The following ITGA11 variants were observed in gnomAD, a reference collection of about 807,000 sequenced individuals.
ITGA11 encodes integrin alpha-11.
A neutral mutation model predicts 141.9 loss-of-function variants in ITGA11; 97 were observed. That is an observed-to-expected ratio of 0.68 (90% CI 0.58 to 0.81). The LOEUF (loss-of-function observed/expected upper bound fraction) is 0.81. ITGA11 is among the 30% of genes least tolerant of loss of function. The pLI is 0.00. For synonymous variants in ITGA11, 658 were observed against 624.6 expected (o/e 1.05, Z -0.80); for missense variants, 1,387 against 1,559.2 (o/e 0.89, Z 1.86).
intron 1 of ITGA11, among the ~76,000 whole-genome samples, chr15:68,419,024 A>T (rs993237231): frequency 1.3e-5 from 2 of 152,104 alleles, no homozygotes; most frequent in East Asian, 3.9e-4. Flanking sequence ...ATGCAAACTA[A>T]AAAAAGGAAT....
intron 1 of ITGA11, among the ~76,000 whole-genome samples, chr15:68,410,095 C>G (rs188277174): frequency 1.2e-4 from 19 of 152,364 alleles, no homozygotes; most frequent in Non-Finnish European, 2.2e-4. Flanking sequence ...ACAAGTGGAA[C>G]ACAGCAGACC....
chr15:68,405,850 G>T (rs1311601470), intron 1 of ITGA11, among the ~76,000 whole-genome samples: 1 of 152,060 alleles, frequency 6.6e-6, no homozygotes, highest in Admixed American at 6.5e-5. Context: ...TCTGTCCCAG[G>T]AATGAACACA....
chr15:68,367,419 G>A (rs976884159), intron 3 of ITGA11, among the ~76,000 whole-genome samples: 4 of 152,228 alleles, frequency 2.6e-5, no homozygotes, highest in East Asian at 3.9e-4. Flanking sequence ...CTACCTTAGG[G>A]CGTTTGCACT....
intron 13 of ITGA11, 32 bp from the exon 14 acceptor site, chr15:68,332,094 A>C: frequency 6.5e-7 from 1 of 1,541,528 alleles, no homozygotes; most frequent in South Asian, 1.2e-5. Flanking sequence ...AAGGCTGGGG[A>C]GGGTTTGGCA....
In ITGA11 at chr15:68,365,165, G is replaced by T. The variant is rs552632667; in HGVS notation, c.266-367C>A. Reference sequence around the variant, plus strand: ...TCCCACCTGGGCTGGCTTCCTTTGTGCAGTATCCCCGCTACGCTTTCTTCC... The same window carrying T: ...TCCCACCTGGGCTGGCTTCCTTTGTTCAGTATCCCCGCTACGCTTTCTTCC... On this transcript the variant is annotated intron_variant, in intron 3 of 29. Transcript: ENST00000315757. 10 of 985,386 alleles carry T rather than the reference G, an allele frequency of 1.0e-5. No individual in the cohort carries two copies. The East Asian group carries it at 6.8e-4, about 67-fold the overall frequency. 61.0% of individuals were successfully genotyped at this position (985,386 alleles called of 1,614,324 possible). A position where few individuals can be genotyped will look rare whatever the true frequency, so the allele number is the denominator to read the frequency against.
At position 68,424,359 on chromosome 15, in the gene ITGA11, C is replaced by A. The variant is rs933104301; in HGVS notation, c.52+7656G>T. ...TGGTGTTGTGTGACCCTAGGCAAGT[C>A]ATTTTCCTTCCCTGGAGAGTGTTTG... On this transcript the variant is annotated intron_variant, in intron 1 of 29. Transcript: ENST00000315757. Among the ~76,000 whole-genome samples the A allele has an allele frequency of 2.0e-5, 3 of 152,072 alleles. No homozygotes were observed. The East Asian group carries it at 5.8e-4, about 29-fold the overall frequency.
At chr15:68,362,669 T>C (rs776891777) in intron 4 of ITGA11, among the ~76,000 whole-genome samples, 6 of 143,296 alleles carry the variant, frequency 4.2e-5, no homozygotes, top group Non-Finnish European at 7.4e-5. Flanking sequence ...GATGGATAAA[T>C]GGATGGAAGA....
At position 68,335,323 on chromosome 15, in the gene ITGA11, T is replaced by C. The variant is rs959281715; in HGVS notation, c.1425+374A>G. ...CCCTGTGCTGGAAGTGACTTGGGAT[T>C]GGAGCCCTGTTTTCACCACCAATGA... On this transcript the variant is annotated intron_variant, in intron 12 of 29. Transcript: ENST00000315757. The surrounding 1 kb of genome is among the most constrained non-coding windows in gnomAD (Gnocchi z 4.9). Among the ~76,000 whole-genome samples the C allele has an allele frequency of 2.0e-5, 3 of 152,318 alleles. No homozygotes were observed. Among genetic ancestry groups the C allele is most frequent in the African/African-American group, 7.2e-5 (3 of 41,564 alleles).
rs1171065071 is a variant in ITGA11 at position 68,353,711 on chromosome 15, T to G, written c.750-2309A>C. Among the ~76,000 whole-genome samples, 5 of 152,200 alleles carry G rather than the reference T, an allele frequency of 3.3e-5. No individual in the cohort carries two copies. The East Asian group carries it at 9.6e-4, about 29-fold the overall frequency. ...ACATTCCTTGAGAGCAGCAAGAGCTTTATACTCATAACAGGCTCCATGGGC... is the reference window on the plus strand; with the variant it reads ...ACATTCCTTGAGAGCAGCAAGAGCTGTATACTCATAACAGGCTCCATGGGC... On this transcript the variant is annotated intron_variant, in intron 7 of 29. Transcript: ENST00000315757.
chr15:68,426,008 T>C (rs1344514139), intron 1 of ITGA11, among the ~76,000 whole-genome samples: 1 of 152,226 alleles, frequency 6.6e-6, no homozygotes, highest in Non-Finnish European at 1.5e-5. Context: ...TGGGTTCTTC[T>C]ATGTTATAGA....
rs75833921 is a variant in ITGA11 at position 68,321,165 on chromosome 15, C to CTT, written c.2408+251_2408+252dup. ...AATGTGGGCTCCGAAGAAAGGGTTT[C>CTT]TTTTTTTTTTTTTTTTTAACAAAAT... On this transcript the variant is annotated intron_variant, in intron 19 of 29. Transcript: ENST00000315757. This position sits in a 1 kb window ranked among gnomAD's most constrained non-coding sequence, Gnocchi z 4.9. 2.9e-3 allele frequency among the ~76,000 whole-genome samples: 421 copies of CTT among 146,186 alleles called. 13 individuals are homozygous for CTT. In the East Asian group the frequency reaches 0.06, roughly 21 times the overall value.
intron 1 of ITGA11, among the ~76,000 whole-genome samples, chr15:68,426,581 C>T (rs755032116): frequency 1.4e-4 from 21 of 152,156 alleles, no homozygotes; most frequent in Non-Finnish European, 2.2e-4. Context: ...AAGCTGGTGC[C>T]CCTGTGGGGG....
chr15:68,354,515 A>G (rs1895010302), intron 7 of ITGA11, among the ~76,000 whole-genome samples: 1 of 152,126 alleles, frequency 6.6e-6, no homozygotes, highest in Non-Finnish European at 1.5e-5. Flanking sequence ...TCCCACCAAC[A>G]TGAACCCCTT....
intron 1 of ITGA11, among the ~76,000 whole-genome samples, chr15:68,418,465 T>C (rs764470684): frequency 6.6e-6 from 1 of 152,208 alleles, no homozygotes; most frequent in African/African-American, 2.4e-5. Context: ...TGGCCCTCAG[T>C]TGCCTTATCT....
intron 1 of ITGA11, among the ~76,000 whole-genome samples, chr15:68,403,722 C>T (rs1896568550): frequency 6.6e-6 from 1 of 151,984 alleles, no homozygotes; most frequent in African/African-American, 2.4e-5. Context: ...GCAACTTCCT[C>T]CTTTCAGGTT....
chr15:68,332,083 A>T, intron 13 of ITGA11, 21 bp from the exon 14 acceptor site: 2 of 1,567,252 alleles, frequency 1.3e-6, no homozygotes, highest in Non-Finnish European at 1.7e-6. Flanking sequence ...AGGGGCAGAA[A>T]AAGGCTGGGG....
rs770087018 is a variant in ITGA11, at chr15:68,321,426, G to A, written c.2400C>T (p.Pro800=). ...GGAAGGAGCCAACTCACATGGCCGT[G>A]GGCAGGTCACTCCGGGCATCCAACA... ...DLVLDARSDL[P]TAMEYCQRVL... The change falls in exon 19 of 30, where the codon CCC becomes CCT. Residue 800 remains proline, a synonymous_variant. Coordinates refer to ENST00000315757, the MANE Select transcript of ITGA11 (RefSeq NM_001004439.2). The surrounding 1 kb of genome is among the most constrained non-coding windows in gnomAD (Gnocchi z 4.9). The A allele has an allele frequency of 8.2e-6, 13 of 1,583,092 alleles. No homozygotes were observed. The highest frequency in any genetic ancestry group is 1.1e-5 in the Non-Finnish European group (13 of 1,163,914).
Position 68,335,630 on chromosome 15 carries a change from T to C in ITGA11, c.1425+67A>G. On this transcript the variant is annotated intron_variant, in intron 12 of 29. Coordinates refer to ENST00000315757, the MANE Select transcript of ITGA11 (RefSeq NM_001004439.2). The surrounding 1 kb of genome is among the most constrained non-coding windows in gnomAD (Gnocchi z 4.9). ...GTGGTCCAGGCATGCCTGTATTTAC[T>C]GCCCTCCCATTTGTCTGATCTGCCC... 1.3e-6 allele frequency: 2 copies of C among 1,548,588 alleles called. No individual in the cohort carries two copies. Among genetic ancestry groups the C allele is most frequent in the Non-Finnish European group, 1.8e-6 (2 of 1,133,190 alleles).
chr15:68,428,688 G>A (rs1390886494), intron 1 of ITGA11, among the ~76,000 whole-genome samples: 1 of 152,284 alleles, frequency 6.6e-6, no homozygotes, highest in East Asian at 1.9e-4. Flanking sequence ...GACCTCTGGA[G>A]CCTTTGTACA....
Sources: gnomAD v4.1 joint callset for allele counts (sites outside exome capture counted in the v4.1 genomes callset) on GRCh38, gnomAD v4.1.1 for gene constraint, Gnocchi (gnomAD v3.1) non-coding constraint, MANE v1.5 for transcripts, NCBI Gene and HGNC (gene_info 2026-07-23, HGNC 2026-07-21) for gene names.